Variants in AFG1L observed in about 807,000 individuals in gnomAD.
The protein encoded by AFG1L is AFG1-like ATPase.
AFG1L carries 53 observed loss-of-function variants against 62.2 expected under a neutral mutation model. That is an observed-to-expected ratio of 0.85 (90% CI 0.68 to 1.07). The LOEUF is 1.07. AFG1L is among the 50% of genes least tolerant of loss of function. The pLI, the probability that AFG1L is intolerant of heterozygous loss-of-function variation, is 0.00. For missense variants in AFG1L, 555 were observed against 590.5 expected (o/e 0.94, Z 0.62); for synonymous variants, 228 against 210.3 (o/e 1.08, Z -0.73).
At chr6:108,444,816 G>A (rs1031480688) in intron 7 of AFG1L, among the ~76,000 whole-genome samples, 4 of 152,206 alleles carry the variant, frequency 2.6e-5, no homozygotes, top group African/African-American at 9.7e-5. Flanking sequence ...AGTAGATGTA[G>A]CAAAATTCTT....
At chr6:108,428,671 T>C (rs1374459684) in intron 7 of AFG1L, among the ~76,000 whole-genome samples, 1 of 152,234 alleles carries the variant, frequency 6.6e-6, no homozygotes, top group Non-Finnish European at 1.5e-5. Flanking sequence ...TACCTCATTG[T>C]GGTTTTAATT....
chr6:108,432,032 C>G (rs1771100871), intron 7 of AFG1L, among the ~76,000 whole-genome samples: 1 of 150,344 alleles, frequency 6.7e-6, no homozygotes, highest in Non-Finnish European at 1.5e-5. Flanking sequence ...GGTATGCCAT[C>G]AGGTGCCGGC....
intron 8 of AFG1L, among the ~76,000 whole-genome samples, chr6:108,460,236 G>A (rs1772401166): frequency 6.6e-6 from 1 of 151,220 alleles, no homozygotes; most frequent in Non-Finnish European, 1.5e-5. Flanking sequence ...TAAATCAATT[G>A]CTTCTTCAAT....
intron 6 of AFG1L, among the ~76,000 whole-genome samples, chr6:108,380,116 C>A (rs1461427514): frequency 6.6e-6 from 1 of 151,898 alleles, no homozygotes. Flanking sequence ...GCCTGGAGAT[C>A]TTCCTGGGCA....
At chr6:108,328,909 G>T (rs1013175603) in intron 2 of AFG1L, among the ~76,000 whole-genome samples, 2 of 152,136 alleles carry the variant, frequency 1.3e-5, no homozygotes, top group African/African-American at 4.8e-5. Flanking sequence ...GGTTTTACTG[G>T]GTAGTTGAAA....
intron 10 of AFG1L, among the ~76,000 whole-genome samples, chr6:108,483,527 G>T (rs903494634): frequency 6.6e-6 from 1 of 152,106 alleles, no homozygotes; most frequent in Non-Finnish European, 1.5e-5. Flanking sequence ...AATTCTAAAG[G>T]CTTAATGAGT....
chr6:108,471,676 G>T (rs1204127769), intron 8 of AFG1L, among the ~76,000 whole-genome samples: 3 of 151,846 alleles, frequency 2.0e-5, no homozygotes, highest in Admixed American at 6.6e-5. Context: ...GGCCAGGTTG[G>T]TCTTGAACTC....
intron 6 of AFG1L, among the ~76,000 whole-genome samples, chr6:108,367,791 AGT>A (rs1240564949): frequency 2.0e-5 from 3 of 152,162 alleles, no homozygotes; most frequent in Admixed American, 1.3e-4. Flanking sequence ...GAACCAGGAG[AGT>A]GTCAAGTGAG....
intron 7 of AFG1L, among the ~76,000 whole-genome samples, chr6:108,446,602 T>C (rs567549834): frequency 9.9e-4 from 148 of 149,758 alleles, no homozygotes; most frequent in Middle Eastern, 3.5e-3. Context: ...CCTCCCAGGC[T>C]CAAGCAATGC....
At chr6:108,361,236 C>T (rs1411680724) in intron 5 of AFG1L, among the ~76,000 whole-genome samples, 1 of 152,228 alleles carries the variant, frequency 6.6e-6, no homozygotes, top group Non-Finnish European at 1.5e-5. Flanking sequence ...GCACTGGGAG[C>T]CTGATCTTGT....
Position 108,425,640 on chromosome 6 carries a change from A to G in AFG1L, c.808-21574A>G, listed in dbSNP as rs141193171. Reference sequence around the variant, plus strand: ...CATGTTGCACAATATGTGTGTGTGTATGTGTATGTATGAAGACATATATAC... The same window carrying G: ...CATGTTGCACAATATGTGTGTGTGTGTGTGTATGTATGAAGACATATATAC... On this transcript the variant is annotated intron_variant, in intron 7 of 12. Coordinates refer to ENST00000368977, the MANE Select transcript of AFG1L (RefSeq NM_145315.5). 4.9e-3 allele frequency among the ~76,000 whole-genome samples: 752 copies of G among 152,266 alleles called. 3 individuals carry two copies. Among genetic ancestry groups the G allele is most frequent in the African/African-American group, 0.017 (727 of 41,556 alleles).
At chr6:108,488,619 G>T (rs1002268658) in intron 10 of AFG1L, among the ~76,000 whole-genome samples, 20 of 151,940 alleles carry the variant, frequency 1.3e-4, no homozygotes, top group Admixed American at 2.6e-4. Context: ...TTGGGAGGCC[G>T]AGGTGGGCAG....
At chr6:108,412,896 A>T (rs1283560) in intron 7 of AFG1L, among the ~76,000 whole-genome samples, 1 of 152,148 alleles carries the variant, frequency 6.6e-6, no homozygotes, top group African/African-American at 2.4e-5. Context: ...TAATGACAGG[A>T]TCAATTTCAC....
intron 10 of AFG1L, among the ~76,000 whole-genome samples, chr6:108,488,267 A>G (rs1773644196): frequency 2.0e-5 from 3 of 152,208 alleles, no homozygotes; most frequent in African/African-American, 7.2e-5. Flanking sequence ...GATGTGAGTA[A>G]GAGTCTCCAC....
intron 7 of AFG1L, among the ~76,000 whole-genome samples, chr6:108,419,368 GT>G (rs1236820570): frequency 2.0e-5 from 3 of 152,088 alleles, no homozygotes; most frequent in Non-Finnish European, 4.4e-5. Context: ...AAAATTAAAT[GT>G]TTGATGATTA....
chr6:108,365,103 G>A lies in AFG1L; in HGVS notation c.649-1130G>A, dbSNP rs1779700860. ...AAATAACAATGTACTATATCTTGTGGATATATGTAAAGCAAGTTGTACTGA... is the reference window on the plus strand; with the variant it reads ...AAATAACAATGTACTATATCTTGTGAATATATGTAAAGCAAGTTGTACTGA... On this transcript the variant is annotated intron_variant, in intron 5 of 12. Coordinates refer to ENST00000368977, the MANE Select transcript of AFG1L (RefSeq NM_145315.5). Among the ~76,000 whole-genome samples, 4 of 152,220 alleles carry A rather than the reference G, an allele frequency of 2.6e-5. No individual in the cohort carries two copies. In the South Asian group the frequency reaches 6.2e-4, roughly 24 times the overall value.
At chr6:108,345,432 T>A (rs1301070485) in intron 2 of AFG1L, among the ~76,000 whole-genome samples, 1 of 151,884 alleles carries the variant, frequency 6.6e-6, no homozygotes, top group East Asian at 1.9e-4. Context: ...TGATCTCGAT[T>A]CACTGTAGTC....
intron 8 of AFG1L, among the ~76,000 whole-genome samples, chr6:108,448,376 T>A (rs1486387598): frequency 6.6e-6 from 1 of 152,180 alleles, no homozygotes; most frequent in Non-Finnish European, 1.5e-5. Flanking sequence ...TCACAGCCTT[T>A]CCCTGATTTT....
intron 6 of AFG1L, among the ~76,000 whole-genome samples, chr6:108,398,741 CAAA>C (rs892312762): frequency 2.0e-5 from 3 of 152,064 alleles, no homozygotes; most frequent in Admixed American, 2.0e-4. Context: ...GCACCTTTGT[CAAA>C]AATGTGTTCA....
Sources: gnomAD v4.1 joint callset for allele counts (sites outside exome capture counted in the v4.1 genomes callset) on GRCh38, gnomAD v4.1.1 for gene constraint, MANE v1.5 for transcripts, NCBI Gene and HGNC (gene_info 2026-07-23, HGNC 2026-07-21) for gene names.